Variants in KCNT2 observed in about 807,000 individuals in gnomAD.
KCNT2 encodes potassium channel subfamily T member 2.
A neutral mutation model predicts 153.8 loss-of-function variants in KCNT2; 67 were observed. The ratio of observed to expected loss-of-function variants is 0.44; its 90% CI spans 0.36 to 0.53. The LOEUF (loss-of-function observed/expected upper bound fraction) is 0.53, where lower values mean the gene tolerates loss of function less well. KCNT2 is among the 20% of genes least tolerant of loss of function. The pLI is 0.00. For synonymous variants in KCNT2, 500 were observed against 458.8 expected, an observed-to-expected ratio of 1.09 and a Z score of -1.15; for missense variants, 975 against 1,354.8, an observed-to-expected ratio of 0.72 and a Z score of 4.40.
At chr1:196,484,777 T>A (rs972191645) in intron 3 of KCNT2, among the ~76,000 whole-genome samples, 1 of 152,040 alleles carries the variant, frequency 6.6e-6, no homozygotes, top group African/African-American at 2.4e-5. Context: ...ATTTATTGAA[T>A]AGGAGATCCT....
At chr1:196,502,961 A>G (rs1051253320) in intron 1 of KCNT2, among the ~76,000 whole-genome samples, 8 of 152,048 alleles carry the variant, frequency 5.3e-5, no homozygotes, top group Non-Finnish European at 8.8e-5. Context: ...CCCCTGCCCA[A>G]CTGTATGAGG....
chr1:196,397,537 G>GA (rs1168864061), intron 13 of KCNT2, among the ~76,000 whole-genome samples: 1 of 151,370 alleles, frequency 6.6e-6, no homozygotes, highest in Non-Finnish European at 1.5e-5. Context: ...CAGTACTTTA[G>GA]AAATTCTTCC....
At chr1:196,470,263 A>G (rs1677973172) in intron 5 of KCNT2, among the ~76,000 whole-genome samples, 2 of 152,196 alleles carry the variant, frequency 1.3e-5, no homozygotes, top group African/African-American at 2.4e-5. Context: ...TGGCTCCAAC[A>G]TGGAGACTGC....
chr1:196,574,016 G>A (rs1049411662), intron 1 of KCNT2, among the ~76,000 whole-genome samples: 6 of 151,582 alleles, frequency 4.0e-5, no homozygotes, highest in Admixed American at 6.6e-5. Flanking sequence ...ATACAAAACC[G>A]GATGATAAAG....
At chr1:196,514,161 G>A (rs897052491) in intron 1 of KCNT2, among the ~76,000 whole-genome samples, 3 of 152,054 alleles carry the variant, frequency 2.0e-5, no homozygotes, top group African/African-American at 7.2e-5. Flanking sequence ...TGTTCATTTT[G>A]CTCGTGTTTT....
intron 25 of KCNT2, among the ~76,000 whole-genome samples, chr1:196,273,761 G>A (rs1658294595): frequency 6.6e-6 from 1 of 151,598 alleles, no homozygotes; most frequent in Non-Finnish European, 1.5e-5. Flanking sequence ...TCGGCAGACG[G>A]GACAATGGTT....
At chr1:196,291,517 C>G (rs1189051104) in intron 22 of KCNT2, among the ~76,000 whole-genome samples, 1 of 151,934 alleles carries the variant, frequency 6.6e-6, no homozygotes, top group Non-Finnish European at 1.5e-5. Context: ...TGCACTTTAT[C>G]ATGCTGAATT....
intron 26 of KCNT2, among the ~76,000 whole-genome samples, chr1:196,242,560 G>A (rs1385671209): frequency 1.3e-5 from 2 of 152,028 alleles, no homozygotes; most frequent in Non-Finnish European, 2.9e-5. Flanking sequence ...ACTTTCATTT[G>A]ACTTACAGAA....
intron 1 of KCNT2, among the ~76,000 whole-genome samples, chr1:196,546,419 G>A (rs1044022130): frequency 3.3e-5 from 5 of 152,066 alleles, no homozygotes; most frequent in African/African-American, 1.2e-4. Flanking sequence ...CAGCATATGG[G>A]CCTCCTAGTG....
chr1:196,527,465 A>G (rs1654386196), intron 1 of KCNT2, among the ~76,000 whole-genome samples: 2 of 152,226 alleles, frequency 1.3e-5, no homozygotes, highest in Admixed American at 1.3e-4. Flanking sequence ...ACAGTTTATT[A>G]GCAAAACAGG....
intron 8 of KCNT2, among the ~76,000 whole-genome samples, chr1:196,447,858 G>A: frequency 6.6e-6 from 1 of 151,194 alleles, no homozygotes; most frequent in East Asian, 2.0e-4. Context: ...CTACCTCTAT[G>A]AGCATCTAGG....
Position 196,388,602 on chromosome 1 carries a change from C to T in KCNT2, c.1294+9961G>A, listed in dbSNP as rs957670450. ...ATGTTTATAGTTTCTTTATATGAGACTTGCACATATTTTATTAAATTCTCC... is the reference window on the plus strand; with the variant it reads ...ATGTTTATAGTTTCTTTATATGAGATTTGCACATATTTTATTAAATTCTCC... On this transcript the variant is annotated intron_variant, in intron 13 of 27. Coordinates refer to ENST00000294725, the MANE Select transcript of KCNT2 (RefSeq NM_198503.5). Among the ~76,000 whole-genome samples the T allele has an allele frequency of 3.3e-5, 5 of 151,596 alleles. No homozygotes were observed. The East Asian group carries it at 7.8e-4, about 24-fold the overall frequency.
chr1:196,444,663 G>C (rs1278258955), intron 8 of KCNT2, among the ~76,000 whole-genome samples: 1 of 151,434 alleles, frequency 6.6e-6, no homozygotes, highest in Non-Finnish European at 1.5e-5. Context: ...GATGAGGCCA[G>C]TGAAGAAAGC....
chr1:196,416,420 C>A (rs2148500213), intron 12 of KCNT2, among the ~76,000 whole-genome samples: 1 of 152,122 alleles, frequency 6.6e-6, no homozygotes, highest in East Asian at 1.9e-4. Flanking sequence ...GAAATTAGTG[C>A]ATAGTATATA....
intron 1 of KCNT2, among the ~76,000 whole-genome samples, chr1:196,549,101 A>G (rs1029247834): frequency 6.6e-6 from 1 of 152,076 alleles, no homozygotes; most frequent in Non-Finnish European, 1.5e-5. Flanking sequence ...ACATGTATAC[A>G]TATGTAACTA....
intron 14 of KCNT2, among the ~76,000 whole-genome samples, chr1:196,355,596 T>C (rs895987188): frequency 6.6e-6 from 1 of 151,778 alleles, no homozygotes; most frequent in Non-Finnish European, 1.5e-5. Context: ...GAAAGTAGCT[T>C]AAATTCACTG....
At chr1:196,589,278 T>C (rs1663057095) in intron 1 of KCNT2, among the ~76,000 whole-genome samples, 1 of 151,908 alleles carries the variant, frequency 6.6e-6, no homozygotes, top group South Asian at 2.1e-4. Context: ...TGTGTGTGTG[T>C]GCACACGTGA....
chr1:196,348,903 C>T (rs771312235), intron 14 of KCNT2, among the ~76,000 whole-genome samples: 11 of 151,788 alleles, frequency 7.2e-5, no homozygotes, highest in South Asian at 4.2e-4. Context: ...AATGCCTGGG[C>T]GTGGTGGTGC....
chr1:196,247,700 A>G (rs765233686), intron 26 of KCNT2, among the ~76,000 whole-genome samples: 2 of 152,130 alleles, frequency 1.3e-5, no homozygotes, highest in African/African-American at 2.4e-5. Flanking sequence ...AGAACAGCAT[A>G]GAAGTAACCA....
Sources: gnomAD v4.1 joint callset for allele counts (sites outside exome capture counted in the v4.1 genomes callset) on GRCh38, gnomAD v4.1.1 for gene constraint, MANE v1.5 for transcripts, NCBI Gene and HGNC (gene_info 2026-07-23, HGNC 2026-07-21) for gene names.